The following THRAP3 variants were observed in gnomAD, a reference collection of about 807,000 sequenced individuals.
THRAP3 encodes the protein thyroid hormone receptor associated protein 3.
Under a neutral mutation model 101.0 loss-of-function variants are expected in THRAP3, and 16 were observed. The observed-to-expected ratio is 0.16, with a 90% CI of 0.11 to 0.24. The LOEUF (loss-of-function observed/expected upper bound fraction) is 0.24. Among genes scored for constraint, THRAP3 ranks in the 10% least tolerant of loss-of-function variants. The pLI is 1.00. For missense variants in THRAP3, 989 were observed against 1,202.7 expected (o/e 0.82, Z 2.63); for synonymous variants, 407 against 422.6 (o/e 0.96, Z 0.45).
chr1:36,262,065 A>G (rs535467943), intron 2 of THRAP3, among the ~76,000 whole-genome samples: 1 of 152,348 alleles, frequency 6.6e-6, no homozygotes, highest in South Asian at 2.1e-4. Flanking sequence ...CATTTAATAC[A>G]TTTTAGTAGT....
chr1:36,221,709 G>A (rs1644903503), upstream of THRAP3, among the ~76,000 whole-genome samples: 1 of 152,080 alleles, frequency 6.6e-6, no homozygotes, highest in African/African-American at 2.4e-5. Flanking sequence ...TCAACATCCC[G>A]AGTAGCTGGG....
chr1:36,287,546 G>A (rs1645812154), intron 4 of THRAP3: 2 of 985,274 alleles, frequency 2.0e-6, no homozygotes, highest in Admixed American at 6.1e-5. Flanking sequence ...TTCTACCAAT[G>A]TAAGCCAAAG....
the THRAP3 span, among the ~76,000 whole-genome samples, chr1:36,208,914 G>A: frequency 1.4e-5 from 2 of 147,198 alleles, no homozygotes; most frequent in Non-Finnish European, 3.0e-5. Context: ...TGATCTGCCT[G>A]CCTTGGCCTC....
the THRAP3 span, among the ~76,000 whole-genome samples, chr1:36,215,103 A>C: frequency 1.3e-5 from 2 of 151,852 alleles, no homozygotes; most frequent in Non-Finnish European, 1.5e-5. Flanking sequence ...GGGCGCCTGT[A>C]GTCCCAGCTA....
At chr1:36,210,349 G>C in the THRAP3 span, among the ~76,000 whole-genome samples, 4 of 138,224 alleles carry the variant, frequency 2.9e-5, no homozygotes, top group Non-Finnish European at 6.1e-5. Context: ...TTGGGCGACA[G>C]AGCGAGACTC....
At chr1:36,236,080 C>T (rs945691074) in intron 1 of THRAP3, among the ~76,000 whole-genome samples, 2 of 150,656 alleles carry the variant, frequency 1.3e-5, no homozygotes, top group African/African-American at 4.9e-5. Flanking sequence ...AACCCCGTCT[C>T]TACTAAAAAT....
rs571110440 is a variant in THRAP3, at chr1:36,232,083, G to T, written c.-135+7578G>T. 2.6e-5 allele frequency among the ~76,000 whole-genome samples: 4 copies of T among 152,222 alleles called. No individual in the cohort carries two copies. In the South Asian group the frequency reaches 8.3e-4, roughly 32 times the overall value. ...ATAGAAAAATTAGGCAGGTGTGGTG[G>T]TGTGCGCCTGTAATCTCAGCTACTT... On this transcript the variant is annotated intron_variant, in intron 1 of 11. Transcript: ENST00000354618.
At position 36,243,146 on chromosome 1, in the gene THRAP3, ACTTT is replaced by A. The variant is rs1331794557; in HGVS notation, c.-134-16231_-134-16228del. ...GGGAATAAGATGCATTTTGTGAGGA[ACTTT>A]CTTTTTTTTTTTTTTTTTTTTTTGC... On this transcript the variant is annotated intron_variant, in intron 1 of 11. Transcript: ENST00000354618. 8.2e-3 allele frequency among the ~76,000 whole-genome samples: 976 copies of A among 118,626 alleles called. 14 individuals are homozygous for A. The highest frequency in any genetic ancestry group is 0.031 in the African/African-American group (912 of 29,576). 77.8% of individuals were successfully genotyped at this position (118,626 alleles called of 152,430 possible). A position where few individuals can be genotyped will look rare whatever the true frequency, so the allele number is the denominator to read the frequency against.
chr1:36,229,414 T>G (rs1645000588), intron 1 of THRAP3, among the ~76,000 whole-genome samples: 1 of 75,998 alleles, frequency 1.3e-5, no homozygotes, highest in African/African-American at 5.9e-5. Context: ...TTTTTTTTGT[T>G]TTTTTTTTGT....
At chr1:36,229,039 A>G (rs993655845) in intron 1 of THRAP3, among the ~76,000 whole-genome samples, 1 of 152,206 alleles carries the variant, frequency 6.6e-6, no homozygotes, top group African/African-American at 2.4e-5. Flanking sequence ...TTACCAAGGC[A>G]GTAAGAGACA....
At chr1:36,288,022 A>G (rs189262620) in intron 4 of THRAP3, 27 of 952,064 alleles carry the variant, frequency 2.8e-5, no homozygotes, top group African/African-American at 5.3e-5. Context: ...CGTATTTAGC[A>G]TGTTTTTTGA....
In THRAP3 at chr1:36,304,180, TC is replaced by T; in HGVS notation, c.*166del. 1 of 1,146,438 alleles carries T rather than the reference TC, an allele frequency of 8.7e-7. No individual in the cohort carries two copies. Among genetic ancestry groups the T allele is most frequent in the Non-Finnish European group, 1.2e-6 (1 of 846,326 alleles). The allele number at this position is 1,146,438 out of a possible 1,614,324, so 71.0% of individuals were successfully genotyped here. A position where few individuals can be genotyped will look rare whatever the true frequency, so the allele number is the denominator to read the frequency against. On this transcript the variant is annotated 3_prime_UTR_variant, in exon 12 of 12. Coordinates refer to ENST00000354618, the MANE Select transcript of THRAP3 (RefSeq NM_005119.4). The stretch of plus-strand genomic sequence containing the variant: ...CGCGAGAGGCATCCCTGGCGCTGTC[TC>T]CCACTGGACAGAGGAGGCTGGCCAT...
intron 1 of THRAP3, among the ~76,000 whole-genome samples, chr1:36,241,341 A>T (rs1347728819): frequency 6.7e-6 from 1 of 148,546 alleles, no homozygotes; most frequent in Non-Finnish European, 1.5e-5. Context: ...GAGAAAAAAA[A>T]TTGTGCTGTA....
chr1:36,223,928 A>G (rs1644925606), upstream of THRAP3, among the ~76,000 whole-genome samples: 1 of 152,210 alleles, frequency 6.6e-6, no homozygotes, highest in Non-Finnish European at 1.5e-5. Flanking sequence ...GGAGCCTGGC[A>G]ACATCGCTGT....
At chr1:36,222,238 A>ATTATAC (rs2124301896), upstream of THRAP3, among the ~76,000 whole-genome samples, 1 of 152,078 alleles carries the variant, frequency 6.6e-6, no homozygotes, top group African/African-American at 2.4e-5. Flanking sequence ...AAGTATATAT[A>ATTATAC]TTTTAGGTCA....
chr1:36,233,483 C>T (rs1319448485), intron 1 of THRAP3, among the ~76,000 whole-genome samples: 1 of 149,838 alleles, frequency 6.7e-6, no homozygotes, highest in African/African-American at 2.5e-5. Context: ...TCCAGCCTTC[C>T]AGCCTGGGTG....
chr1:36,215,863 T>C, the THRAP3 span, among the ~76,000 whole-genome samples: 10 of 151,880 alleles, frequency 6.6e-5, no homozygotes, highest in East Asian at 1.9e-4. Flanking sequence ...GATTCTCCTG[T>C]CTCAGCCTCC....
At chr1:36,277,895 G>A (rs746318979) in intron 2 of THRAP3, among the ~76,000 whole-genome samples, 11 of 151,980 alleles carry the variant, frequency 7.2e-5, no homozygotes, top group Non-Finnish European at 1.5e-4. Flanking sequence ...AAGTAGCTGG[G>A]ATTACAGGTT....
At chr1:36,243,147 C>CTTTATT (rs940800780) in intron 1 of THRAP3, among the ~76,000 whole-genome samples, 1 of 73,180 alleles carries the variant, frequency 1.4e-5, no homozygotes, top group African/African-American at 5.6e-5. Context: ...TTGTGAGGAA[C>CTTTATT]TTTCTTTTTT....
Sources: allele counts gnomAD v4.1 joint callset (sites outside exome capture counted in the v4.1 genomes callset), GRCh38; gene constraint gnomAD v4.1.1; transcripts MANE v1.5; gene names NCBI Gene and HGNC (gene_info 2026-07-23, HGNC 2026-07-21).